ATP10D: variants seen among roughly 807,000 people sequenced by gnomAD.
The protein encoded by ATP10D is phospholipid-transporting ATPase VD.
ATP10D carries 89 observed loss-of-function variants against 144.8 expected under a neutral mutation model. That is an observed-to-expected ratio of 0.61 (90% CI 0.52 to 0.73). ATP10D has a LOEUF of 0.73. Ranked by LOEUF, ATP10D falls within the 30% of genes least tolerant of loss-of-function variation. ATP10D has a pLI of 0.00. For missense variants in ATP10D, 1,603 were observed against 1,714.8 expected, an observed-to-expected ratio of 0.93 and a Z score of 1.15; for synonymous variants, 571 against 615.1, an observed-to-expected ratio of 0.93 and a Z score of 1.06.
chr4:47,583,824 A>T (rs902789106), intron 21 of ATP10D, among the ~76,000 whole-genome samples: 1 of 152,216 alleles, frequency 6.6e-6, no homozygotes, highest in African/African-American at 2.4e-5. Flanking sequence ...AAAAGCAAAA[A>T]TATCTGAGAA....
intron 10 of ATP10D, among the ~76,000 whole-genome samples, chr4:47,549,905 A>G (rs6810449): frequency 0.24 from 35,905 of 151,276 alleles, 4,208 homozygotes; most frequent in Admixed American, 0.3. Context: ...AAGGGAGAAC[A>G]TGGTGTGCAG....
chr4:47,509,964 G>A (rs1024863406), intron 1 of ATP10D, among the ~76,000 whole-genome samples: 1 of 151,242 alleles, frequency 6.6e-6, no homozygotes, highest in Non-Finnish European at 1.5e-5. Context: ...GTGTGTGTGT[G>A]TGTGTGTGTG....
At position 47,591,455 on chromosome 4, in the gene ATP10D, G is replaced by T; in HGVS notation, c.*74G>T. On this transcript the variant is annotated 3_prime_UTR_variant, in exon 23 of 23. Coordinates refer to ENST00000273859, the MANE Select transcript of ATP10D (RefSeq NM_020453.4). ...TTTGAAGAGGTATCTCTCCAAGCAA[G>T]AATGACTTGTTTTTCCATAAGGGAC... The T allele has an allele frequency of 3.1e-6, 4 of 1,306,568 alleles. No homozygotes were observed. The highest frequency in any genetic ancestry group is 2.3e-5 in the Admixed American group (1 of 43,074). The allele number at this position is 1,306,568 out of a possible 1,614,324, so 80.9% of individuals were successfully genotyped here.
intron 21 of ATP10D, among the ~76,000 whole-genome samples, chr4:47,584,719 A>C (rs989925305): frequency 6.6e-6 from 1 of 152,198 alleles, no homozygotes; most frequent in Admixed American, 6.5e-5. Context: ...AGAGATAAAA[A>C]ATTGGAGCAA....
At chr4:47,512,402 A>T (rs545183629) in intron 1 of ATP10D, 102 bp from the exon 2 acceptor site, 2 of 734,244 alleles carry the variant, frequency 2.7e-6, no homozygotes, top group South Asian at 2.1e-5. Flanking sequence ...ATGTTGAACC[A>T]TTGGGTCATA....
At chr4:47,590,986 G>GT (rs991075588) in intron 22 of ATP10D, 56 bp from the exon 23 acceptor site, 234 of 1,206,998 alleles carry the variant, frequency 1.9e-4, no homozygotes, top group Non-Finnish European at 2.4e-4. Flanking sequence ...TGGGGGGGGG[G>GT]GTTCTGTAAT....
At chr4:47,566,437 C>A (rs866715848) in intron 15 of ATP10D, among the ~76,000 whole-genome samples, 5 of 152,010 alleles carry the variant, frequency 3.3e-5, no homozygotes, top group African/African-American at 1.2e-4. Context: ...TTTCTATCTT[C>A]ATAATTTATA....
intron 16 of ATP10D, among the ~76,000 whole-genome samples, chr4:47,569,941 G>A (rs1719864329): frequency 6.6e-6 from 1 of 152,148 alleles, no homozygotes; most frequent in African/African-American, 2.4e-5. Context: ...GCAAAGGGAG[G>A]TGTTTTCTGC....
intron 1 of ATP10D, among the ~76,000 whole-genome samples, chr4:47,500,472 G>A (rs909621173): frequency 2.6e-5 from 4 of 152,214 alleles, no homozygotes; most frequent in Non-Finnish European, 5.9e-5. Flanking sequence ...TAAAGGTGAT[G>A]AGAAGTGGTA....
intron 11 of ATP10D, 101 bp downstream of exon 11, chr4:47,555,015 A>C: frequency 9.9e-7 from 1 of 1,011,876 alleles, no homozygotes; most frequent in Non-Finnish European, 1.5e-6. Context: ...AAAATGATAA[A>C]TAATAGTAGC....
chr4:47,543,877 G>A (rs974625434), intron 9 of ATP10D, among the ~76,000 whole-genome samples: 4 of 151,866 alleles, frequency 2.6e-5, no homozygotes, highest in South Asian at 2.1e-4. Context: ...GAAAAAAGGA[G>A]GATCTCAAAA....
intron 5 of ATP10D, among the ~76,000 whole-genome samples, chr4:47,527,782 A>G (rs1717330303): frequency 6.6e-6 from 1 of 152,174 alleles, no homozygotes; most frequent in South Asian, 2.1e-4. Context: ...CTCATATGCT[A>G]CTGGTGGGAA....
intron 5 of ATP10D, among the ~76,000 whole-genome samples, chr4:47,533,564 A>T (rs567526167): frequency 6.6e-6 from 1 of 152,326 alleles, no homozygotes; most frequent in Admixed American, 6.5e-5. Flanking sequence ...ACAAGCAGTG[A>T]CTTGTAAATT....
chr4:47,487,226 TC>T (rs67968737), intron 1 of ATP10D, among the ~76,000 whole-genome samples: 84,834 of 120,514 alleles, frequency 0.7, 31,149 homozygotes, highest in Middle Eastern at 0.8. Flanking sequence ...CAAAACTCCG[TC>T]CCCCAAAAAA....
chr4:47,535,496 G>C lies in ATP10D; in HGVS notation c.777-13G>C. On this transcript the variant is annotated splice_polypyrimidine_tract_variant and intron_variant, in intron 5 of 22. Coordinates refer to ENST00000273859, the MANE Select transcript of ATP10D (RefSeq NM_020453.4). ...CTGTTTAAAAGTGAATTTATATGCT[G>C]TCTTTCTTATAGAGAACATTCCAAC... The C allele has an allele frequency of 6.3e-7, 1 of 1,594,900 alleles. No individual in the cohort carries two copies.
intron 10 of ATP10D, chr4:47,547,090 GA>G (rs5858078): frequency 0.26 from 114,782 of 446,080 alleles, 10,399 homozygotes; most frequent in Admixed American, 0.33. Context: ...TACCATTTCT[GA>G]AAAAAAAAAA....
In ATP10D at chr4:47,524,386, C is replaced by T. The variant is rs1355203338; in HGVS notation, c.690+1170C>T. On this transcript the variant is annotated intron_variant, in intron 4 of 22. Transcript: ENST00000273859. Reference sequence around the variant, plus strand: ...TACCTATGGATTTCATTTAGATCCTCTGTGATTGATATGCCTCCTAGACTA... The same window carrying T: ...TACCTATGGATTTCATTTAGATCCTTTGTGATTGATATGCCTCCTAGACTA... 2.0e-5 allele frequency among the ~76,000 whole-genome samples: 3 copies of T among 149,208 alleles called. No individual in the cohort carries two copies. In the East Asian group the frequency reaches 5.8e-4, roughly 29 times the overall value.
chr4:47,531,135 T>C (rs1717548013), intron 5 of ATP10D, among the ~76,000 whole-genome samples: 1 of 152,100 alleles, frequency 6.6e-6, no homozygotes, highest in Non-Finnish European at 1.5e-5. Context: ...CATCTGGCCC[T>C]GGGCTTTTTG....
chr4:47,489,100 T>C (rs1394953649), intron 1 of ATP10D, among the ~76,000 whole-genome samples: 4 of 152,160 alleles, frequency 2.6e-5, no homozygotes, highest in African/African-American at 9.6e-5. Context: ...ATACAAATGA[T>C]CCCCAATGAG....
Sources: allele counts gnomAD v4.1 joint callset (sites outside exome capture counted in the v4.1 genomes callset), GRCh38; gene constraint gnomAD v4.1.1; transcripts MANE v1.5; gene names NCBI Gene and HGNC (gene_info 2026-07-23, HGNC 2026-07-21).